Variants in MLLT11 observed in about 807,000 individuals in gnomAD.
MLLT11 encodes the protein protein AF1q.
Under a neutral mutation model 5.3 loss-of-function variants are expected in MLLT11, and 1 was observed. That is an observed-to-expected ratio of 0.19 (90% CI 0.07 to 0.89). The LOEUF (loss-of-function observed/expected upper bound fraction) is 0.89, where lower values mean the gene tolerates loss of function less well. Ranked by LOEUF, MLLT11 falls within the 40% of genes least tolerant of loss-of-function variation. The pLI, the probability that MLLT11 is intolerant of heterozygous loss-of-function variation, is 0.67. For missense variants in MLLT11, 87 were observed against 107.3 expected (o/e 0.81, Z 0.83); for synonymous variants, 38 against 41.7 (o/e 0.91, Z 0.34).
At chr1:151,066,568 C>A (rs1558112093) in intron 1 of MLLT11, among the ~76,000 whole-genome samples, 1 of 152,150 alleles carries the variant, frequency 6.6e-6, no homozygotes, top group African/African-American at 2.4e-5. Flanking sequence ...GAAAATCAGA[C>A]CCAAGATCAA....
At chr1:151,063,352 T>G (rs1676431322) in intron 1 of MLLT11, among the ~76,000 whole-genome samples, 1 of 152,176 alleles carries the variant, frequency 6.6e-6, no homozygotes, top group Non-Finnish European at 1.5e-5. Context: ...GTTCTGTTTT[T>G]GGAGGTGATA....
intron 1 of MLLT11, among the ~76,000 whole-genome samples, chr1:151,061,594 C>T (rs587742272): frequency 6.6e-6 from 1 of 152,100 alleles, no homozygotes; most frequent in African/African-American, 2.4e-5. Flanking sequence ...TAAATGATAC[C>T]ATTTAAGATA....
intron 1 of MLLT11, among the ~76,000 whole-genome samples, chr1:151,065,127 T>C (rs930372625): frequency 8.5e-5 from 13 of 152,334 alleles, no homozygotes; most frequent in African/African-American, 2.9e-4. Flanking sequence ...AAAAATTTCA[T>C]TACTATTTAC....
Position 151,067,461 on chromosome 1 carries a change from T to C in MLLT11, c.237T>C (p.Ile79=), listed in dbSNP as rs753406205. 1.2e-6 allele frequency: 2 copies of C among 1,614,084 alleles called. No homozygotes were observed. Among genetic ancestry groups the C allele is most frequent in the Middle Eastern group, 1.7e-4 (1 of 6,018 alleles). ...YSTFNFWRAP[I]ASIHSFELDL... Reference sequence around the variant, plus strand: ...CCTTCAACTTCTGGAGAGCTCCCATTGCCAGCATCCACTCCTTCGAACTGG... The same window carrying C: ...CCTTCAACTTCTGGAGAGCTCCCATCGCCAGCATCCACTCCTTCGAACTGG... The change falls in exon 2 of 2, where the codon ATT becomes ATC. Residue 79 remains isoleucine (I), a synonymous_variant. Transcript: ENST00000368921.
Position 151,069,505 on chromosome 1 carries a change from A to G in MLLT11, c.*2008A>G, listed in dbSNP as rs1676539890. On this transcript the variant is annotated 3_prime_UTR_variant, in exon 2 of 2. Transcript: ENST00000368921. ...CAGCCATGGCAATTGGTGGGTGGAG[A>G]CAGGGATCAACTGTTTGGTAAATAA... Among the ~76,000 whole-genome samples the G allele has an allele frequency of 6.6e-6, 1 of 152,182 alleles. No homozygotes were observed. Among genetic ancestry groups the G allele is most frequent in the Admixed American group, 6.5e-5 (1 of 15,272 alleles).
chr1:151,068,825 T>TCTGCC lies in MLLT11; in HGVS notation c.*1330_*1334dup, dbSNP rs1227931429. Among the ~76,000 whole-genome samples the TCTGCC allele has an allele frequency of 6.6e-6, 1 of 152,216 alleles. No homozygotes were observed. The highest frequency in any genetic ancestry group is 1.5e-5 in the Non-Finnish European group (1 of 68,050). On this transcript the variant is annotated 3_prime_UTR_variant, in exon 2 of 2. Coordinates refer to ENST00000368921, the MANE Select transcript of MLLT11 (RefSeq NM_006818.4). ...GTCTCTAACTCCTGACCTCAGGTGA[T>TCTGCC]CTGCCCGCCTTAGCCTCTCAAAGTG...
intron 1 of MLLT11, among the ~76,000 whole-genome samples, chr1:151,065,888 C>A (rs1054275625): frequency 6.6e-6 from 1 of 152,218 alleles, no homozygotes; most frequent in African/African-American, 2.4e-5. Context: ...ATTCCCCAGG[C>A]TGGAGTGCAG....
chr1:151,065,707 G>A (rs775498960), intron 1 of MLLT11, among the ~76,000 whole-genome samples: 3 of 152,198 alleles, frequency 2.0e-5, no homozygotes, highest in Non-Finnish European at 2.9e-5. Flanking sequence ...GAAAAGTCAC[G>A]GAAGGTCTTT....
intron 1 of MLLT11, 63 bp from the exon 2 acceptor site, chr1:151,067,156 G>C: frequency 6.9e-7 from 1 of 1,450,628 alleles, no homozygotes; most frequent in South Asian, 1.2e-5. Context: ...TCTAAGCAAG[G>C]AAAGGCCATG....
chr1:151,061,558 A>G (rs1359688627), intron 1 of MLLT11, among the ~76,000 whole-genome samples: 2 of 152,240 alleles, frequency 1.3e-5, no homozygotes, highest in Non-Finnish European at 2.9e-5. Context: ...ATATTGTGGT[A>G]CAAGGCACTG....
chr1:151,062,690 A>C (rs1424177514), intron 1 of MLLT11, among the ~76,000 whole-genome samples: 1 of 152,102 alleles, frequency 6.6e-6, no homozygotes, highest in Non-Finnish European at 1.5e-5. Context: ...AGAGCCTATA[A>C]TGTGGCCTGC....
intron 1 of MLLT11, among the ~76,000 whole-genome samples, chr1:151,061,260 T>C (rs997042047): frequency 2.0e-5 from 3 of 152,104 alleles, no homozygotes; most frequent in Non-Finnish European, 4.4e-5. Context: ...TTATGAGATG[T>C]CAGAGAGGTT....
rs1158118563 is a variant in MLLT11 at position 151,068,383 on chromosome 1, GA to G, written c.*889del. On this transcript the variant is annotated 3_prime_UTR_variant, in exon 2 of 2. Transcript: ENST00000368921. ...AGTTCTTCAGCTACATTGAGACCCT[GA>G]AATGAACAATTATATTCTGACTCGA... The G allele has an allele frequency of 5.3e-5, 12 of 224,842 alleles. No individual in the cohort carries two copies. Among genetic ancestry groups the G allele is most frequent in the Non-Finnish European group, 1.1e-4 (11 of 103,362 alleles). The allele number at this position is 224,842 out of a possible 1,614,324, so 13.9% of individuals were successfully genotyped here.
At chr1:151,064,869 T>C (rs1676454683) in intron 1 of MLLT11, among the ~76,000 whole-genome samples, 1 of 152,242 alleles carries the variant, frequency 6.6e-6, no homozygotes, top group African/African-American at 2.4e-5. Flanking sequence ...AATTAGATAT[T>C]GCCTTTGCCT....
intron 1 of MLLT11, among the ~76,000 whole-genome samples, chr1:151,063,130 A>C (rs1357371202): frequency 6.6e-6 from 1 of 152,110 alleles, no homozygotes; most frequent in Non-Finnish European, 1.5e-5. Context: ...TCAACATTAA[A>C]AACATCCTAG....
chr1:151,061,548 A>G (rs1056600102), intron 1 of MLLT11, among the ~76,000 whole-genome samples: 42 of 152,250 alleles, frequency 2.8e-4, no homozygotes, highest in African/African-American at 9.9e-4. Flanking sequence ...TATTGAACAT[A>G]TATTGTGGTA....
intron 1 of MLLT11, among the ~76,000 whole-genome samples, chr1:151,062,551 C>T (rs1006809456): frequency 1.3e-5 from 2 of 151,936 alleles, no homozygotes; most frequent in South Asian, 2.1e-4. Flanking sequence ...TTAGTAAAGA[C>T]GGGGTTTCAC....
chr1:151,063,843 C>A (rs1369106019), intron 1 of MLLT11, among the ~76,000 whole-genome samples: 1 of 152,054 alleles, frequency 6.6e-6, no homozygotes, highest in Non-Finnish European at 1.5e-5. Context: ...AGTGATAGAT[C>A]CATTAACGCA....
intron 1 of MLLT11, among the ~76,000 whole-genome samples, chr1:151,061,313 C>T (rs966688246): frequency 6.6e-6 from 1 of 152,164 alleles, no homozygotes; most frequent in African/African-American, 2.4e-5. Context: ...CTTCCCCCTT[C>T]CCCATGGTGG....
Sources: gnomAD v4.1 joint callset for allele counts (sites outside exome capture counted in the v4.1 genomes callset) on GRCh38, gnomAD v4.1.1 for gene constraint, MANE v1.5 for transcripts, NCBI Gene and HGNC (gene_info 2026-07-23, HGNC 2026-07-21) for gene names.